The following DDX59 variants were observed in gnomAD, a reference collection of about 807,000 sequenced individuals.
DDX59 encodes probable ATP-dependent RNA helicase DDX59.
A neutral mutation model predicts 51.9 loss-of-function variants in DDX59; 30 were observed. That is an observed-to-expected ratio of 0.58 (90% CI 0.43 to 0.78). The LOEUF is 0.78. Among genes scored for constraint, DDX59 ranks in the 30% least tolerant of loss-of-function variants. The probability of loss-of-function intolerance (pLI) is 0.00; values close to 1 mark genes in which losing one functional copy is unlikely to be tolerated. For synonymous variants in DDX59, 255 were observed against 253.3 expected, an observed-to-expected ratio of 1.01 and a Z score of -0.06; for missense variants, 672 against 730.8, an observed-to-expected ratio of 0.92 and a Z score of 0.93.
chr1:200,656,410 C>A (rs2102884758), intron 4 of DDX59, among the ~76,000 whole-genome samples: 1 of 152,294 alleles, frequency 6.6e-6, no homozygotes, highest in South Asian at 2.1e-4. Flanking sequence ...GTATATGTAT[C>A]TTTTCTCTCT....
chr1:200,651,487 G>T (rs1168348283), intron 4 of DDX59, among the ~76,000 whole-genome samples: 2 of 152,162 alleles, frequency 1.3e-5, no homozygotes, highest in Non-Finnish European at 2.9e-5. Flanking sequence ...CTTTGAAGTA[G>T]AGAGCAGGCC....
At chr1:200,643,847 C>T (rs1465081673), downstream of DDX59, among the ~76,000 whole-genome samples, 3 of 152,028 alleles carry the variant, frequency 2.0e-5, no homozygotes, top group Non-Finnish European at 4.4e-5. Context: ...AAAATTTCTT[C>T]CAGTTTCTAT....
At chr1:200,642,732 G>T (rs1031241390), downstream of DDX59, among the ~76,000 whole-genome samples, 2 of 152,168 alleles carry the variant, frequency 1.3e-5, no homozygotes, top group Non-Finnish European at 2.9e-5. Flanking sequence ...TCCCCTATTG[G>T]GTATTTGACA....
At chr1:200,648,118 A>T (rs1314088511) in intron 7 of DDX59, among the ~76,000 whole-genome samples, 1 of 151,086 alleles carries the variant, frequency 6.6e-6, no homozygotes, top group African/African-American at 2.4e-5. Flanking sequence ...CCTCCTGCCG[A>T]GTTCAAGCGA....
intron 3 of DDX59, among the ~76,000 whole-genome samples, chr1:200,661,485 A>G (rs1032619245): frequency 7.9e-5 from 12 of 152,198 alleles, no homozygotes; most frequent in African/African-American, 2.9e-4. Context: ...GGATGCAATG[A>G]AAAAAACAAA....
intron 3 of DDX59, among the ~76,000 whole-genome samples, chr1:200,659,802 C>G (rs1311989004): frequency 6.6e-6 from 1 of 152,088 alleles, no homozygotes; most frequent in Non-Finnish European, 1.5e-5. Context: ...GTCTTCCTGC[C>G]TCAGCCTCCC....
At chr1:200,660,075 A>G (rs1662281890) in intron 3 of DDX59, among the ~76,000 whole-genome samples, 7 of 152,116 alleles carry the variant, frequency 4.6e-5, no homozygotes, top group Admixed American at 4.6e-4. Context: ...CCAGTATTTA[A>G]CTTCTATTGT....
At chr1:200,664,876 T>C (rs138983503) in intron 2 of DDX59, among the ~76,000 whole-genome samples, 54 of 152,292 alleles carry the variant, frequency 3.5e-4, no homozygotes, top group African/African-American at 1.3e-3. Flanking sequence ...GGTTTCTCCG[T>C]GTTGACCAGG....
rs530686902 is a variant in DDX59 at position 200,657,184 on chromosome 1, G to A, written c.1062+1843C>T. Among the ~76,000 whole-genome samples the A allele has an allele frequency of 2.5e-4, 36 of 145,248 alleles. No homozygotes were observed. In the South Asian group the frequency reaches 4.7e-3, roughly 19 times the overall value. ...AAAATCACTTTGAGCCCAGATGGTA[G>A]AGGTGGCAGTGAGCCAAGATCGTGC... On this transcript the variant is annotated intron_variant, in intron 4 of 7. Transcript: ENST00000331314.
rs765331144 is a variant in DDX59, at chr1:200,650,660, T to C, written c.1079A>G (p.Lys360Arg). Residue 360 changes from lysine (K) to arginine (R), a missense_variant, in exon 5 of 8, where the codon AAG becomes AGG. Transcript: ENST00000331314. Reference sequence around the variant, plus strand: ...AAGCACTTGTTGTTGAAAACCCATCTTTAACATGGTATCAGCCTAAAATAA... The same window carrying C: ...AAGCACTTGTTGTTGAAAACCCATCCTTAACATGGTATCAGCCTAAAATAA... ...VVVDEADTMLKMGFQQQVLDI... is the reference protein window; with the variant it reads ...VVVDEADTMLRMGFQQQVLDI... 1.9e-6 allele frequency: 3 copies of C among 1,611,738 alleles called. No individual in the cohort carries two copies. The highest frequency in any genetic ancestry group is 2.5e-6 in the Non-Finnish European group (3 of 1,178,332).
rs202083713 is a variant in DDX59 at position 200,648,515 on chromosome 1, C to T, written c.1520G>A (p.Arg507Gln). ...CCTGACACTGATCAAGTCTAGGCCTCGTCCCAAGACTCCTGTGCTCACTAC... is the reference window on the plus strand; with the variant it reads ...CCTGACACTGATCAAGTCTAGGCCTTGTCCCAAGACTCCTGTGCTCACTAC... ...EVVVSTGVLG[R>Q]GLDLISVRLV... is the part of the protein sequence containing the mutation. The change falls in exon 7 of 8, where the codon CGA becomes CAA. Residue 507 changes from arginine (R) to glutamine (Q), a missense_variant. By Grantham distance (43) the Arg-to-Gln change is conservative (BLOSUM62 1). Coordinates refer to ENST00000331314, the MANE Select transcript of DDX59 (RefSeq NM_001031725.6). 45 of 1,613,940 alleles carry T rather than the reference C, an allele frequency of 2.8e-5. No homozygotes were observed. The highest frequency in any genetic ancestry group is 1.1e-5 in the South Asian group (1 of 91,078).
intron 7 of DDX59, among the ~76,000 whole-genome samples, 179 bp from the exon 8 acceptor site, chr1:200,644,696 A>T (rs1217636162): frequency 2.0e-5 from 3 of 152,100 alleles, no homozygotes; most frequent in Non-Finnish European, 1.5e-5. Flanking sequence ...GGAGTTTGAG[A>T]CCAGCCTGGC....
At chr1:200,667,791 C>G (rs1262045287) in intron 1 of DDX59, among the ~76,000 whole-genome samples, 1 of 151,328 alleles carries the variant, frequency 6.6e-6, no homozygotes, top group Non-Finnish European at 1.5e-5. Flanking sequence ...CCATGTAAAG[C>G]AGTTAGCATT....
chr1:200,659,106 G>A lies in DDX59; in HGVS notation c.983C>T (p.Ala328Val). 5.6e-6 allele frequency: 9 copies of A among 1,612,718 alleles called. No homozygotes were observed. Among genetic ancestry groups the A allele is most frequent in the Non-Finnish European group, 7.6e-6 (9 of 1,179,274 alleles). The change falls in exon 4 of 8, where the codon GCA (alanine) becomes GTA (valine). Residue 328 changes from alanine (A) to valine (V), a missense_variant. Coordinates refer to ENST00000331314, the MANE Select transcript of DDX59 (RefSeq NM_001031725.6). ...TATATCCAGAAGTCGCCCAGGGGTT[G>A]CTATGATAACCTAAATAAAAGAGAA... is the stretch of plus-strand genomic sequence containing the variant. ...RLQQHVKVIIATPGRLLDIIK... is the reference protein window; with the variant it reads ...RLQQHVKVIIVTPGRLLDIIK...
downstream of DDX59, chr1:200,641,329 T>A: frequency 2.8e-6 from 2 of 727,142 alleles, no homozygotes; most frequent in Non-Finnish European, 4.0e-6. Context: ...TTTATTAAAT[T>A]AATCAGTGAG....
intron 4 of DDX59, among the ~76,000 whole-genome samples, chr1:200,658,775 C>A (rs766264514): frequency 1.3e-5 from 2 of 152,098 alleles, no homozygotes; most frequent in Non-Finnish European, 2.9e-5. Context: ...AAACAACTTA[C>A]CATTGAGAAT....
At chr1:200,662,664 T>C (rs59095354) in intron 3 of DDX59, among the ~76,000 whole-genome samples, 2,596 of 152,282 alleles carry the variant, frequency 0.017, 78 homozygotes, top group African/African-American at 0.058. Context: ...TACATTAACA[T>C]ATATTTTTTT....
At chr1:200,641,003 T>A (rs1661032651), downstream of DDX59, 1 of 311,718 alleles carries the variant, frequency 3.2e-6, no homozygotes, top group Non-Finnish European at 6.8e-6. Flanking sequence ...TGGTTGGTTT[T>A]CACACTGTGG....
intron 4 of DDX59, among the ~76,000 whole-genome samples, chr1:200,655,788 T>G (rs1661980391): frequency 6.6e-6 from 1 of 152,158 alleles, no homozygotes; most frequent in South Asian, 2.1e-4. Context: ...TCATTTCTCC[T>G]TCTGACCTTA....
Sources: allele counts gnomAD v4.1 joint callset (sites outside exome capture counted in the v4.1 genomes callset), GRCh38; gene constraint gnomAD v4.1.1; transcripts MANE v1.5; gene names NCBI Gene and HGNC (gene_info 2026-07-23, HGNC 2026-07-21).